SIMC1: variants seen among roughly 807,000 people sequenced by gnomAD.
SIMC1 encodes the protein SUMO interacting motifs containing 1.
In SIMC1, 55 loss-of-function variants were observed where a neutral mutation model predicts 82.3. That is an observed-to-expected ratio of 0.67 (90% CI 0.54 to 0.84). SIMC1 has a LOEUF of 0.84. Among genes scored for constraint, SIMC1 ranks in the 40% least tolerant of loss-of-function variants. SIMC1 has a pLI of 0.00. For missense variants in SIMC1, 915 were observed against 1,107.2 expected (o/e 0.83, Z 2.46); for synonymous variants, 353 against 426.3 (o/e 0.83, Z 2.12).
At chr5:176,308,607 T>A in intron 4 of SIMC1, 1 of 1,584,144 alleles carries the variant, frequency 6.3e-7, no homozygotes, top group Non-Finnish European at 8.7e-7. Flanking sequence ...CCAAAAGAGT[T>A]CAGAGTCCCT....
intron 1 of SIMC1, among the ~76,000 whole-genome samples, chr5:176,277,175 G>A (rs1305559516): frequency 6.6e-6 from 1 of 151,846 alleles, no homozygotes; most frequent in Non-Finnish European, 1.5e-5. Flanking sequence ...TTGTGGTTTT[G>A]ATTTGCATTT....
At chr5:176,282,806 A>G (rs1763074537) in intron 1 of SIMC1, among the ~76,000 whole-genome samples, 1 of 152,220 alleles carries the variant, frequency 6.6e-6, no homozygotes, top group South Asian at 2.1e-4. Context: ...TAACTACAAT[A>G]ACCAATGAAG....
intron 1 of SIMC1, among the ~76,000 whole-genome samples, chr5:176,284,475 A>T (rs1446568546): frequency 6.6e-6 from 1 of 152,252 alleles, no homozygotes; most frequent in African/African-American, 2.4e-5. Flanking sequence ...TTTGAAACCA[A>T]TGAGAACAAA....
chr5:176,294,593 T>A (rs1008612169), intron 2 of SIMC1, among the ~76,000 whole-genome samples: 17 of 151,694 alleles, frequency 1.1e-4, no homozygotes, highest in Non-Finnish European at 2.1e-4. Flanking sequence ...TTTTTTTTTT[T>A]AATCATGAAA....
At chr5:176,307,545 C>A (rs13153862) in intron 4 of SIMC1, among the ~76,000 whole-genome samples, 2 of 151,786 alleles carry the variant, frequency 1.3e-5, no homozygotes, top group African/African-American at 4.8e-5. Context: ...GGACTACAGG[C>A]GCCCGCCACC....
chr5:176,296,892 G>T (rs1763838356), intron 4 of SIMC1, among the ~76,000 whole-genome samples: 1 of 152,172 alleles, frequency 6.6e-6, no homozygotes, highest in South Asian at 2.1e-4. Flanking sequence ...AAAGGGGAAG[G>T]ATAGCAGATT....
chr5:176,316,236 A>G (rs1007411501), intron 5 of SIMC1, among the ~76,000 whole-genome samples: 3 of 152,170 alleles, frequency 2.0e-5, no homozygotes, highest in African/African-American at 7.2e-5. Context: ...GAACAATTCC[A>G]TCTACCATTA....
Position 176,290,189 on chromosome 5 carries a change from C to T in SIMC1, c.665C>T (p.Pro222Leu), listed in dbSNP as rs769020016. Residue 222 changes from proline to leucine, a missense_variant, in exon 2 of 10, where the codon CCC (proline) becomes CTC (leucine). Pro to Leu is a moderately conservative substitution (Grantham distance 98). Coordinates refer to ENST00000429602, the MANE Select transcript of SIMC1 (RefSeq NM_001308195.2). ...VSRPPQALPC[P>L]LRPLPCPPRA... Reference sequence around the variant, plus strand: ...CGCCCACCACAGGCCTTGCCGTGCCCCCTGCGACCTTTGCCATGCCCACCG... The same window carrying T: ...CGCCCACCACAGGCCTTGCCGTGCCTCCTGCGACCTTTGCCATGCCCACCG... The T allele has an allele frequency of 1.2e-6, 2 of 1,612,244 alleles. No individual in the cohort carries two copies. The highest frequency in any genetic ancestry group is 1.1e-5 in the South Asian group (1 of 90,848).
At chr5:176,260,844 G>A (rs960454231) in intron 1 of SIMC1, among the ~76,000 whole-genome samples, 1 of 152,148 alleles carries the variant, frequency 6.6e-6, no homozygotes, top group Non-Finnish European at 1.5e-5. Flanking sequence ...AATGGCAGAT[G>A]CTCACTTTCC....
At chr5:176,285,996 A>G (rs1175678869) in intron 1 of SIMC1, among the ~76,000 whole-genome samples, 1 of 152,264 alleles carries the variant, frequency 6.6e-6, no homozygotes, top group East Asian at 1.9e-4. Flanking sequence ...GGACACAAAC[A>G]AATGGAAGAA....
At chr5:176,277,422 TC>T (rs1762762046) in intron 1 of SIMC1, among the ~76,000 whole-genome samples, 2 of 151,972 alleles carry the variant, frequency 1.3e-5, no homozygotes, top group Admixed American at 1.3e-4. Flanking sequence ...GATGGTAGTT[TC>T]TTTTGCTGTG....
Position 176,289,791 on chromosome 5 carries a change from T to G in SIMC1, c.267T>G (p.Pro89=). The change falls in exon 2 of 10, where the codon CCT becomes CCG. Residue 89 remains proline (P), a synonymous_variant. Coordinates refer to ENST00000429602, the MANE Select transcript of SIMC1 (RefSeq NM_001308195.2). ...ACTTAACTTTAGAACCTGTCACTCC[T>G]TCCCAGAAGGAGCCAACCAGTCTTC... ...TLDLTLEPVT[P]SQKEPTSLQT... The G allele has an allele frequency of 1.2e-6, 2 of 1,613,970 alleles. No individual in the cohort carries two copies. Among genetic ancestry groups the G allele is most frequent in the Non-Finnish European group, 8.5e-7 (1 of 1,179,890 alleles).
At chr5:176,343,825 G>C (rs779110973) in intron 9 of SIMC1, among the ~76,000 whole-genome samples, 1 of 151,916 alleles carries the variant, frequency 6.6e-6, no homozygotes, top group Non-Finnish European at 1.5e-5. Flanking sequence ...ACGGAGTCTA[G>C]CTCTGTCGTC....
At chr5:176,342,109 G>A (rs1409130418) in intron 9 of SIMC1, among the ~76,000 whole-genome samples, 2 of 152,098 alleles carry the variant, frequency 1.3e-5, no homozygotes, top group Non-Finnish European at 2.9e-5. Flanking sequence ...AGTTTCCCCT[G>A]TCCCACCCTA....
intron 4 of SIMC1, among the ~76,000 whole-genome samples, chr5:176,312,683 A>G (rs1055950781): frequency 1.3e-5 from 2 of 152,198 alleles, no homozygotes; most frequent in African/African-American, 4.8e-5. Context: ...AAGAAATGAT[A>G]TGTATTCAGA....
In SIMC1 at chr5:176,345,277, C is replaced by T. The variant is rs367747418; in HGVS notation, c.2508C>T (p.Asp836=). The T allele has an allele frequency of 6.2e-6, 10 of 1,613,814 alleles. No individual in the cohort carries two copies. Among genetic ancestry groups the T allele is most frequent in the East Asian group, 2.2e-5 (1 of 44,900 alleles). Reference sequence around the variant, plus strand: ...AAGGAGATGACATCACAGTGGTAGACGTAGAGAAGCAGATTGAGGCCTTCC... The same window carrying T: ...AAGGAGATGACATCACAGTGGTAGATGTAGAGAAGCAGATTGAGGCCTTCC... ...PQQGDDITVV[D]VEKQIEAFRS... The change falls in exon 10 of 10, where the codon GAC becomes GAT. Residue 836 remains aspartate, a synonymous_variant. Coordinates refer to ENST00000429602, the MANE Select transcript of SIMC1 (RefSeq NM_001308195.2).
chr5:176,313,560 C>CT (rs755095208), intron 4 of SIMC1, 131 bp from the exon 5 acceptor site: 22 of 1,553,476 alleles, frequency 1.4e-5, no homozygotes, highest in Non-Finnish European at 1.1e-5. Context: ...TCCTAGGAGC[C>CT]TCTCTTTTAA....
At chr5:176,295,715 G>A (rs1451662090) in intron 3 of SIMC1, among the ~76,000 whole-genome samples, 5 of 151,726 alleles carry the variant, frequency 3.3e-5, no homozygotes, top group Admixed American at 6.6e-5. Flanking sequence ...CTGTTTTGGG[G>A]CTGCATGTGG....
At chr5:176,331,352 A>G (rs1307834848) in intron 7 of SIMC1, among the ~76,000 whole-genome samples, 1 of 143,120 alleles carries the variant, frequency 7.0e-6, no homozygotes, top group Non-Finnish European at 1.5e-5. Flanking sequence ...CCTGGGCGAC[A>G]GAGCGAGACT....
Sources: gnomAD v4.1 joint callset for allele counts (sites outside exome capture counted in the v4.1 genomes callset) on GRCh38, gnomAD v4.1.1 for gene constraint, MANE v1.5 for transcripts, NCBI Gene and HGNC (gene_info 2026-07-23, HGNC 2026-07-21) for gene names.